Variants in FANCM observed in about 807,000 individuals in gnomAD.
FANCM encodes the protein FA complementation group M.
A neutral mutation model predicts 199.5 loss-of-function variants in FANCM; 140 were observed. The observed-to-expected ratio is 0.70, with a 90% confidence interval of 0.61 to 0.81. FANCM has a LOEUF of 0.81. FANCM is among the 30% of genes least tolerant of loss of function. FANCM has a pLI of 0.00. For missense variants in FANCM, 2,410 were observed against 2,421.4 expected (o/e 1.00, Z 0.10); for synonymous variants, 840 against 836.8 (o/e 1.00, Z -0.07).
At chr14:45,190,780 C>G (rs1252429804) in intron 20 of FANCM, among the ~76,000 whole-genome samples, 3 of 150,928 alleles carry the variant, frequency 2.0e-5, no homozygotes, top group East Asian at 3.9e-4. Flanking sequence ...AAAAGATTGA[C>G]TACATTAAGT....
chr14:45,189,198 C>G lies in FANCM; in HGVS notation c.5176C>G (p.Pro1726Ala), dbSNP rs2139297585. 1.9e-6 allele frequency: 3 copies of G among 1,614,130 alleles called. No homozygotes were observed. Among genetic ancestry groups the G allele is most frequent in the Non-Finnish European group, 1.7e-6 (2 of 1,180,024 alleles). Residue 1726 changes from proline (P) to alanine (A), a missense_variant, in exon 20 of 23, where the codon CCA becomes GCA. Pro to Ala is a conservative substitution (Grantham distance 27). Coordinates refer to ENST00000267430, the MANE Select transcript of FANCM (RefSeq NM_020937.4). ...GGTGCGTTCTACTCCAAGAGTTAAT[C>G]CATTAGCAAAGCAGAGCAAACAGAC... is the stretch of plus-strand genomic sequence containing the variant. ...SKVRSTPRVN[P>A]LAKQSKQTSL...
At chr14:45,138,959 A>G (rs1177866130) in intron 2 of FANCM, among the ~76,000 whole-genome samples, 1 of 152,256 alleles carries the variant, frequency 6.6e-6, no homozygotes, top group African/African-American at 2.4e-5. Context: ...TCTGGAAGGC[A>G]TATTGATACA....
rs79243551 is a variant in FANCM, at chr14:45,183,116, G to C, written c.4387-658G>C. ...TACAGCCAGTCCGTATTAACATTGTGTACTCATATAAGACTTCATTAGAAA... is the reference window on the plus strand; with the variant it reads ...TACAGCCAGTCCGTATTAACATTGTCTACTCATATAAGACTTCATTAGAAA... On this transcript the variant is annotated intron_variant, in intron 16 of 22. Coordinates refer to ENST00000267430, the MANE Select transcript of FANCM (RefSeq NM_020937.4). Among the ~76,000 whole-genome samples, 673 of 152,252 alleles carry C rather than the reference G, an allele frequency of 4.4e-3. 7 individuals carry two copies. The highest frequency in any genetic ancestry group is 0.015 in the African/African-American group (626 of 41,550).
At chr14:45,173,243 A>G (rs756891960) in intron 13 of FANCM, 33 bp downstream of exon 13, 3 of 1,590,192 alleles carry the variant, frequency 1.9e-6, no homozygotes, top group Non-Finnish European at 2.6e-6. Flanking sequence ...TCTTGCTGGT[A>G]TGATAGTAAA....
chr14:45,136,104 T>G lies in FANCM; in HGVS notation c.73T>G (p.Cys25Gly). 1.2e-6 allele frequency: 2 copies of G among 1,614,120 alleles called. No individual in the cohort carries two copies. Among genetic ancestry groups the G allele is most frequent in the South Asian group, 1.1e-5 (1 of 91,082 alleles). The change falls in exon 1 of 23, where the codon TGC becomes GGC. Residue 25 changes from cysteine (C) to glycine (G), a missense_variant. Coordinates refer to ENST00000267430, the MANE Select transcript of FANCM (RefSeq NM_020937.4). ...CTCCCGATCATCTGGGACTCCGGGT[T>G]GCAGCTCCGGAACTGAGCGACCTCA... ...SISRSSGTPG[C>G]SSGTERPQSP...
chr14:45,141,480 T>G, intron 3 of FANCM, among the ~76,000 whole-genome samples: 1 of 25,140 alleles, frequency 4.0e-5, no homozygotes, highest in East Asian at 1.8e-3. Flanking sequence ...TCCCCTCCCC[T>G]CCCCTCCCCT....
At chr14:45,190,323 A>C (rs1309898716) in intron 20 of FANCM, among the ~76,000 whole-genome samples, 2 of 152,210 alleles carry the variant, frequency 1.3e-5, no homozygotes, top group Non-Finnish European at 2.9e-5. Flanking sequence ...TTACTAAAAA[A>C]TACTTTTTAG....
At chr14:45,195,358 T>C (rs1889996771) in intron 20 of FANCM, 4 of 343,644 alleles carry the variant, frequency 1.2e-5, no homozygotes, top group Non-Finnish European at 2.3e-5. Context: ...TAGATACCAA[T>C]TCGAGATCTT....
chr14:45,144,412 T>A (rs1020444387), intron 3 of FANCM, among the ~76,000 whole-genome samples: 4 of 151,088 alleles, frequency 2.6e-5, no homozygotes, highest in African/African-American at 9.8e-5. Context: ...ACTAAAAAGT[T>A]AGAACGTGTG....
chr14:45,156,627 A>T (rs1042802518), intron 8 of FANCM, among the ~76,000 whole-genome samples: 1 of 152,118 alleles, frequency 6.6e-6, no homozygotes, highest in Non-Finnish European at 1.5e-5. Context: ...TGGTATAAGA[A>T]AAAGGGAATT....
chr14:45,154,904 A>T, intron 7 of FANCM, 82 bp downstream of exon 7: 1 of 995,806 alleles, frequency 1.0e-6, no homozygotes, highest in Non-Finnish European at 1.6e-6. Context: ...CTTTGATGCA[A>T]ATGTCTACAA....
rs1338635117 is a variant in FANCM at position 45,196,391 on chromosome 14, G to T, written c.5560G>T (p.Asp1854Tyr). The T allele has an allele frequency of 1.9e-6, 3 of 1,614,130 alleles. No individual in the cohort carries two copies. The highest frequency in any genetic ancestry group is 1.7e-5 in the Admixed American group (1 of 60,020). The stretch of plus-strand genomic sequence containing the variant: ...AGAAGTTTGTCCTCTTAATGGCTGT[G>T]ATTACATCGTGAGTAATCGCATGGT... ...QVEVCPLNGC[D>Y]YIVSNRMVVE... The change falls in exon 21 of 23, where the codon GAT becomes TAT. Residue 1854 changes from aspartate (D) to tyrosine (Y), a missense_variant. Transcript: ENST00000267430.
chr14:45,137,104 T>A lies in FANCM; in HGVS notation c.544T>A (p.Cys182Ser), dbSNP rs992613830. 8 of 1,613,430 alleles carry A rather than the reference T, an allele frequency of 5.0e-6. No individual in the cohort carries two copies. Among genetic ancestry groups the A allele is most frequent in the Non-Finnish European group, 6.8e-6 (8 of 1,179,606 alleles). The change falls in exon 2 of 23, where the codon TGC becomes AGC. Residue 182 changes from cysteine to serine, a missense_variant. By Grantham distance (112) the Cys-to-Ser change is moderately radical (BLOSUM62 -1). Transcript: ENST00000267430. ...AGCTTCCACCAGGAAGGAAATATGGTGCAGTAAGAGAGTGCTTTTTCTTAC... is the reference window on the plus strand; with the variant it reads ...AGCTTCCACCAGGAAGGAAATATGGAGCAGTAAGAGAGTGCTTTTTCTTAC... ...TQASTRKEIW[C>S]SKRVLFLTPQ...
chr14:45,196,599 TTAA>T, intron 21 of FANCM, 52 bp downstream of exon 21: 1 of 1,542,592 alleles, frequency 6.5e-7, no homozygotes. Flanking sequence ...AACTTTACGG[TTAA>T]CTTAGTTTAT....
chr14:45,197,558 G>A (rs1209307905), intron 21 of FANCM, among the ~76,000 whole-genome samples: 1 of 150,884 alleles, frequency 6.6e-6, no homozygotes, highest in Admixed American at 6.6e-5. Context: ...TCCACCTCCC[G>A]GGTTCAAGCA....
At chr14:45,148,200 AACACACACAC>A (rs200351777) in intron 3 of FANCM, among the ~76,000 whole-genome samples, 10 of 142,354 alleles carry the variant, frequency 7.0e-5, no homozygotes, top group East Asian at 2.0e-4. Flanking sequence ...CCGTCTCAAA[AACACACACAC>A]ACACACACAC....
In FANCM at chr14:45,175,160, T is replaced by C. The variant is rs1231624693; in HGVS notation, c.2406T>C (p.Asn802=). Residue 802 remains asparagine, a synonymous_variant, in exon 14 of 23, where the codon AAT becomes AAC. Coordinates refer to ENST00000267430, the MANE Select transcript of FANCM (RefSeq NM_020937.4). The part of the protein sequence containing the change: ...STFIAPRNES[N]NLASDTFITH... ...TTATTGCTCCCAGGAATGAATCTAA[T>C]AATCTTGCCAGTGACACCTTTATCA... 1.4e-5 allele frequency: 23 copies of C among 1,611,472 alleles called. No individual in the cohort carries two copies. The highest frequency in any genetic ancestry group is 1.8e-5 in the Non-Finnish European group (21 of 1,178,308).
rs188061266 is a variant in FANCM at position 45,176,591 on chromosome 14, A to G, written c.3837A>G (p.Ala1279=). 19 of 1,608,884 alleles carry G rather than the reference A, an allele frequency of 1.2e-5. No homozygotes were observed. The Admixed American group carries it at 3.0e-4, about 26-fold the overall frequency. ...ISDANYVSNQ[A]LIPRDHSKNF... ...ATGCAAATTATGTTTCGAATCAAGC[A>G]CTAATACCAAGAGATCATAGTAAAA... The change falls in exon 14 of 23, where the codon GCA becomes GCG. Residue 1279 remains alanine (A), a synonymous_variant. Transcript: ENST00000267430.
At position 45,148,870 on chromosome 14, in the gene FANCM, G is replaced by A; in HGVS notation, c.793G>A (p.Gly265Arg). 6.2e-7 allele frequency: 1 copy of A among 1,610,582 alleles called. No individual in the cohort carries two copies. Among genetic ancestry groups the A allele is most frequent in the Non-Finnish European group, 8.5e-7 (1 of 1,177,238 alleles). Residue 265 changes from glycine to arginine, a missense_variant, in exon 4 of 23, where the codon GGG becomes AGG. Transcript: ENST00000267430. ...VQQVITNLLI[G>R]QIELRSEDSP... ...ACAAGTTATTACTAACCTGCTAATT[G>A]GGCAGATAGAGCTTCGTTCTGAAGA...
Sources: allele counts gnomAD v4.1 joint callset (sites outside exome capture counted in the v4.1 genomes callset), GRCh38; gene constraint gnomAD v4.1.1; transcripts MANE v1.5; gene names NCBI Gene and HGNC (gene_info 2026-07-23, HGNC 2026-07-21).